The following MRPS35 variants were observed in gnomAD, a reference collection of about 807,000 sequenced individuals.
MRPS35 encodes the protein mitochondrial ribosomal protein S35, also known as small ribosomal subunit protein mS35.
A neutral mutation model predicts 32.7 loss-of-function variants in MRPS35; 29 were observed. The observed-to-expected ratio is 0.89, with a 90% CI of 0.66 to 1.21. The LOEUF (loss-of-function observed/expected upper bound fraction) is 1.21, where lower values mean the gene tolerates loss of function less well. Among genes scored for constraint, MRPS35 ranks in the 50% most tolerant of loss-of-function variants. MRPS35 has a pLI of 0.00. For synonymous variants in MRPS35, 148 were observed against 139.3 expected (o/e 1.06, Z -0.44); for missense variants, 373 against 383.8 (o/e 0.97, Z 0.23).
chr12:27,743,020 G>A (rs536976751), intron 7 of MRPS35, among the ~76,000 whole-genome samples: 1 of 151,740 alleles, frequency 6.6e-6, no homozygotes, highest in East Asian at 2.0e-4. Flanking sequence ...GTCACCATGC[G>A]GAGCTAATTT....
chr12:27,733,169 A>C (rs1565468175), intron 5 of MRPS35, among the ~76,000 whole-genome samples: 1 of 152,072 alleles, frequency 6.6e-6, no homozygotes, highest in Non-Finnish European at 1.5e-5. Context: ...GATAAAAGAC[A>C]GTGAATGCCA....
intron 7 of MRPS35, among the ~76,000 whole-genome samples, chr12:27,750,815 AAAG>A (rs540276056): frequency 1.0e-3 from 156 of 152,148 alleles, no homozygotes; most frequent in African/African-American, 3.5e-3. Context: ...AAAAAAGAAA[AAAG>A]AAGGCCAGGT....
Position 27,756,051 on chromosome 12 carries a change from G to A in MRPS35, c.*601G>A, listed in dbSNP as rs149780656. On this transcript the variant is annotated 3_prime_UTR_variant, in exon 8 of 8. Transcript: ENST00000081029. ...GGGCCAAGCTACCAGAAAAGTAGAA[G>A]TGGAGATTACCTGGTATGTATCTCT... 1 of 152,238 alleles carries A rather than the reference G, an allele frequency of 6.6e-6. No individual in the cohort carries two copies. Among genetic ancestry groups the A allele is most frequent in the East Asian group, 1.9e-4 (1 of 5,200 alleles). The allele number at this position is 152,238 out of a possible 1,614,324, so 9.4% of individuals were successfully genotyped here. A position where few individuals can be genotyped will look rare whatever the true frequency, so the allele number is the denominator to read the frequency against.
intron 7 of MRPS35, among the ~76,000 whole-genome samples, chr12:27,741,467 A>G (rs189074419): frequency 1.3e-5 from 2 of 152,308 alleles, no homozygotes; most frequent in Admixed American, 1.3e-4. Context: ...GATATTAACA[A>G]TAATAAAATG....
In MRPS35 at chr12:27,715,415, C is replaced by T. The variant is rs2061845675; in HGVS notation, c.153+595C>T. Among the ~76,000 whole-genome samples the T allele has an allele frequency of 6.6e-5, 10 of 152,326 alleles. No individual in the cohort carries two copies. The South Asian group carries it at 2.1e-3, about 32-fold the overall frequency. ...GTGCTGGGATTACAGGCGTGAGCTA[C>T]TGCACCTGGCCTCCCAAAGTGCTGG... is the stretch of plus-strand genomic sequence containing the variant. On this transcript the variant is annotated intron_variant, in intron 2 of 7. Transcript: ENST00000081029.
chr12:27,749,264 A>G (rs753071425), intron 7 of MRPS35, among the ~76,000 whole-genome samples: 13 of 152,048 alleles, frequency 8.5e-5, no homozygotes, highest in East Asian at 3.9e-4. Context: ...TTAACCTCCT[A>G]TTTTTAATAT....
At chr12:27,719,126 A>G (rs553681171) in intron 3 of MRPS35, among the ~76,000 whole-genome samples, 2 of 152,248 alleles carry the variant, frequency 1.3e-5, no homozygotes, top group South Asian at 2.1e-4. Flanking sequence ...CACGTGCTTA[A>G]GTCCTTTCAG....
At chr12:27,722,411 A>G (rs985323590) in intron 4 of MRPS35, among the ~76,000 whole-genome samples, 1 of 152,166 alleles carries the variant, frequency 6.6e-6, no homozygotes, top group African/African-American at 2.4e-5. Flanking sequence ...ATAGGAGTCT[A>G]TTATGTGTTT....
intron 7 of MRPS35, among the ~76,000 whole-genome samples, chr12:27,751,124 A>AAAAAAAAAAAG (rs71679053): frequency 6.8e-6 from 1 of 147,472 alleles, no homozygotes; most frequent in Admixed American, 6.9e-5. Context: ...AAAAAAAAAA[A>AAAAAAAAAAAG]AAGAAAAGAA....
In MRPS35 at chr12:27,710,919, G is replaced by T; in HGVS notation, c.76G>T (p.Val26Phe). The stretch of plus-strand genomic sequence containing the variant: ...GACTCTGCGTGCATTCTCCACTGCC[G>T]TCTACTCGGCCACTCCGGTCCCGAC... Reference protein sequence around the residue: ...ARTLRAFSTAVYSATPVPTPS... With the variant: ...ARTLRAFSTAFYSATPVPTPS... Residue 26 changes from valine (V) to phenylalanine (F), a missense_variant, in exon 1 of 8, where the codon GTC becomes TTC. Coordinates refer to ENST00000081029, the MANE Select transcript of MRPS35 (RefSeq NM_021821.4). 1 of 1,613,206 alleles carries T rather than the reference G, an allele frequency of 6.2e-7. No homozygotes were observed. Among genetic ancestry groups the T allele is most frequent in the Non-Finnish European group, 8.5e-7 (1 of 1,179,886 alleles).
At chr12:27,735,351 A>T in intron 5 of MRPS35, 96 bp from the exon 6 acceptor site, 1 of 863,534 alleles carries the variant, frequency 1.2e-6, no homozygotes, top group Non-Finnish European at 1.8e-6. Context: ...CTTTCTTTTT[A>T]GTGGATTTAA....
At chr12:27,727,957 G>A (rs763510754) in intron 5 of MRPS35, among the ~76,000 whole-genome samples, 18 of 152,006 alleles carry the variant, frequency 1.2e-4, no homozygotes, top group Non-Finnish European at 2.5e-4. Flanking sequence ...CTAATACAAC[G>A]TAAATAGTTG....
At chr12:27,716,561 A>T in intron 3 of MRPS35, 103 bp downstream of exon 3, 2 of 1,058,912 alleles carry the variant, frequency 1.9e-6, no homozygotes, top group South Asian at 3.2e-5. Flanking sequence ...AGTGTATAGC[A>T]GCTTAGTGTA....
rs765007127 is a variant in MRPS35, at chr12:27,735,448, T to C, written c.524T>C (p.Val175Ala). ...NPRARVVVLR[V>A]KLSSLNLDDH... is the part of the protein sequence containing the mutation. ...CAAATAACTTTTCTTATTTTTAAGG[T>C]AAAGCTTTCCAGTTTGAATTTAGAT... The change falls in exon 6 of 8, where the codon GTA (valine) becomes GCA (alanine). Residue 175 changes from valine (V) to alanine (A), a missense_variant and splice_region_variant. By Grantham distance (64) the Val-to-Ala change is moderately conservative. Coordinates refer to ENST00000081029, the MANE Select transcript of MRPS35 (RefSeq NM_021821.4). The C allele has an allele frequency of 2.5e-6, 4 of 1,596,362 alleles. No individual in the cohort carries two copies. The highest frequency in any genetic ancestry group is 4.5e-5 in the East Asian group (2 of 44,644).
rs569757724 is a variant in MRPS35, at chr12:27,728,814, C to T, written c.522+4628C>T. 6.0e-4 allele frequency among the ~76,000 whole-genome samples: 92 copies of T among 152,188 alleles called. 1 individual carries two copies. The highest frequency in any genetic ancestry group is 2.1e-3 in the African/African-American group (89 of 41,482). On this transcript the variant is annotated intron_variant, in intron 5 of 7. Transcript: ENST00000081029. ...CCCCATTGCATCTGGATGTCATTTA[C>T]CTTATTTCTTTATCTCCTGTATTTC...
chr12:27,755,248 C>A lies in MRPS35; in HGVS notation c.770C>A (p.Ser257Ter). Residue 257 changes from serine (S) to a stop codon, truncating the protein, a stop_gained, in exon 8 of 8, where the codon TCA (serine) becomes TAA (stop). Transcript: ENST00000081029. LOFTEE classifies it low-confidence loss of function (END_TRUNC). ...DMEEYIWENS[S>*]SERNILETLL... ...GAAGAGTATATATGGGAAAATAGCTCATCAGAAAGAAATATCCTGGAAACG... is the reference window on the plus strand; with the variant it reads ...GAAGAGTATATATGGGAAAATAGCTAATCAGAAAGAAATATCCTGGAAACG... 6.2e-7 allele frequency: 1 copy of A among 1,610,612 alleles called. No individual in the cohort carries two copies. Among genetic ancestry groups the A allele is most frequent in the East Asian group, 2.2e-5 (1 of 44,794 alleles).
chr12:27,738,530 A>G (rs1162571434), intron 7 of MRPS35, among the ~76,000 whole-genome samples: 1 of 152,206 alleles, frequency 6.6e-6, no homozygotes, highest in Non-Finnish European at 1.5e-5. Context: ...CTTGAGCAAC[A>G]CCTCATCTGA....
chr12:27,711,956 A>G (rs1379224230), intron 1 of MRPS35, among the ~76,000 whole-genome samples: 1 of 151,116 alleles, frequency 6.6e-6, no homozygotes, highest in Non-Finnish European at 1.5e-5. Flanking sequence ...CACCGGAGAT[A>G]CGGCAAGGTG....
At chr12:27,722,052 A>G (rs1381976951) in intron 4 of MRPS35, among the ~76,000 whole-genome samples, 1 of 152,268 alleles carries the variant, frequency 6.6e-6, no homozygotes, top group Non-Finnish European at 1.5e-5. Flanking sequence ...GTTTAAAAAA[A>G]TTAAATGAAA....
Sources: gnomAD v4.1 joint callset for allele counts (sites outside exome capture counted in the v4.1 genomes callset) on GRCh38, gnomAD v4.1.1 for gene constraint, MANE v1.5 for transcripts, NCBI Gene and HGNC (gene_info 2026-07-23, HGNC 2026-07-21) for gene names.